PALM2AKAP2: variants seen among roughly 807,000 people sequenced by gnomAD.
PALM2AKAP2 encodes the protein PALM2 and AKAP2 fusion.
PALM2AKAP2 carries 37 observed loss-of-function variants against 71.5 expected under a neutral mutation model. The ratio of observed to expected loss-of-function variants is 0.52; its 90% CI spans 0.40 to 0.68. The LOEUF is 0.68. Ranked by LOEUF, PALM2AKAP2 falls within the 30% of genes least tolerant of loss-of-function variation. The pLI is 0.00. For synonymous variants in PALM2AKAP2, 468 were observed against 478.8 expected (o/e 0.98, Z 0.29); for missense variants, 1,224 against 1,191.8 (o/e 1.03, Z -0.40).
At chr9:110,025,877 C>T (rs190703576) in intron 7 of PALM2AKAP2, among the ~76,000 whole-genome samples, 14 of 151,942 alleles carry the variant, frequency 9.2e-5, no homozygotes, top group African/African-American at 3.1e-4. Flanking sequence ...ATAGTTTGTT[C>T]AATTATTAAA....
intron 3 of PALM2AKAP2, among the ~76,000 whole-genome samples, chr9:109,920,372 T>A (rs1041069008): frequency 3.7e-5 from 5 of 136,106 alleles, no homozygotes; most frequent in Admixed American, 7.4e-5. Context: ...AATAATGTAA[T>A]CTTTTTTTTT....
At chr9:110,038,499 G>T (rs1380181378) in intron 7 of PALM2AKAP2, among the ~76,000 whole-genome samples, 1 of 152,130 alleles carries the variant, frequency 6.6e-6, no homozygotes, top group African/African-American at 2.4e-5. Context: ...TGAGTTTGGA[G>T]AAATGACCAC....
At chr9:109,645,609 G>A (rs1227119583) in intron 1 of PALM2AKAP2, among the ~76,000 whole-genome samples, 7 of 151,424 alleles carry the variant, frequency 4.6e-5, no homozygotes, top group Non-Finnish European at 8.8e-5. Flanking sequence ...CAGCAATGTG[G>A]ATGGAGCTGG....
chr9:110,064,448 G>C (rs1834029820), intron 1 of PALM2AKAP2, among the ~76,000 whole-genome samples: 1 of 152,144 alleles, frequency 6.6e-6, no homozygotes, highest in African/African-American at 2.4e-5. Context: ...AAGTGTTTGA[G>C]GGCTCAAGTG....
At chr9:109,891,048 TCC>T (rs1326512416) in intron 3 of PALM2AKAP2, among the ~76,000 whole-genome samples, 1 of 152,062 alleles carries the variant, frequency 6.6e-6, no homozygotes, top group Non-Finnish European at 1.5e-5. Flanking sequence ...GCAAAGAATG[TCC>T]CCCTGGCCAG....
chr9:110,135,165 ATATAT>A (rs1244579511), intron 1 of PALM2AKAP2, among the ~76,000 whole-genome samples: 21 of 70,732 alleles, frequency 3.0e-4, no homozygotes, highest in East Asian at 5.5e-4. Flanking sequence ...AAAAAAAAAA[ATATAT>A]AAATATATAT....
intron 1 of PALM2AKAP2, among the ~76,000 whole-genome samples, chr9:109,763,348 A>T (rs1338000210): frequency 6.6e-6 from 1 of 152,128 alleles, no homozygotes; most frequent in South Asian, 2.1e-4. Flanking sequence ...CACGGGCTAT[A>T]CTACCAGACT....
intron 1 of PALM2AKAP2, among the ~76,000 whole-genome samples, chr9:109,719,088 AT>A (rs532165676): frequency 2.0e-5 from 3 of 152,242 alleles, no homozygotes; most frequent in Admixed American, 1.3e-4. Context: ...TTATAAAAAA[AT>A]AAACAATTTT....
intron 1 of PALM2AKAP2, among the ~76,000 whole-genome samples, chr9:109,845,321 TCA>T (rs899940876): frequency 1.2e-4 from 18 of 152,220 alleles, no homozygotes; most frequent in African/African-American, 4.3e-4. Context: ...TAAGGACATT[TCA>T]CAGTTTAAGA....
chr9:109,937,041 C>T (rs1364967059), intron 6 of PALM2AKAP2, among the ~76,000 whole-genome samples: 2 of 152,204 alleles, frequency 1.3e-5, no homozygotes, highest in East Asian at 1.9e-4. Flanking sequence ...TTGCTTGTGT[C>T]GGTTACTCTT....
chr9:109,989,650 C>T (rs572348413), intron 6 of PALM2AKAP2, among the ~76,000 whole-genome samples: 1 of 152,338 alleles, frequency 6.6e-6, no homozygotes, highest in Non-Finnish European at 1.5e-5. Context: ...GTGTTTGCTG[C>T]TGTCAGGGGT....
chr9:109,957,998 T>C (rs1831780610), intron 6 of PALM2AKAP2, among the ~76,000 whole-genome samples: 1 of 152,160 alleles, frequency 6.6e-6, no homozygotes, highest in Non-Finnish European at 1.5e-5. Context: ...AGCTGAGTAA[T>C]CTTAGGCAAT....
At chr9:110,001,614 A>C (rs1832682661) in intron 6 of PALM2AKAP2, among the ~76,000 whole-genome samples, 1 of 152,084 alleles carries the variant, frequency 6.6e-6, no homozygotes, top group Non-Finnish European at 1.5e-5. Flanking sequence ...CAGTATGGCC[A>C]TTTTCATGAT....
chr9:109,742,251 T>TCACACA (rs72323941), intron 1 of PALM2AKAP2, among the ~76,000 whole-genome samples: 23 of 145,410 alleles, frequency 1.6e-4, no homozygotes, highest in Admixed American at 4.1e-4. Flanking sequence ...TGTGATGTAT[T>TCACACA]CACACACACA....
intron 1 of PALM2AKAP2, among the ~76,000 whole-genome samples, chr9:109,818,722 C>T (rs890954847): frequency 2.0e-5 from 3 of 152,270 alleles, no homozygotes; most frequent in African/African-American, 4.8e-5. Context: ...GTTGGGACTA[C>T]GGGCGTGCCT....
intron 6 of PALM2AKAP2, among the ~76,000 whole-genome samples, chr9:109,962,770 G>A (rs1831876818): frequency 6.6e-6 from 1 of 152,110 alleles, no homozygotes; most frequent in African/African-American, 2.4e-5. Context: ...AGCCTCCTGA[G>A]TAGTTGGGAT....
At chr9:109,998,473 T>C (rs2132265133) in intron 6 of PALM2AKAP2, among the ~76,000 whole-genome samples, 1 of 152,094 alleles carries the variant, frequency 6.6e-6, no homozygotes, top group African/African-American at 2.4e-5. Flanking sequence ...TATACCAAAG[T>C]CCCAGCAAAC....
At chr9:110,036,548 G>C (rs994345394) in intron 7 of PALM2AKAP2, among the ~76,000 whole-genome samples, 1 of 151,822 alleles carries the variant, frequency 6.6e-6, no homozygotes, top group Non-Finnish European at 1.5e-5. Context: ...GTGCTCTCCC[G>C]GCCACTCCTT....
chr9:110,075,645 G>A (rs1389752317), intron 1 of PALM2AKAP2, among the ~76,000 whole-genome samples: 2 of 151,064 alleles, frequency 1.3e-5, no homozygotes, highest in Non-Finnish European at 2.9e-5. Flanking sequence ...CTGCCCCTAT[G>A]CTTGTAACAT....
Sources: gnomAD v4.1 joint callset for allele counts (sites outside exome capture counted in the v4.1 genomes callset) on GRCh38, gnomAD v4.1.1 for gene constraint, MANE v1.5 for transcripts, NCBI Gene and HGNC (gene_info 2026-07-23, HGNC 2026-07-21) for gene names.